The following STYK1 variants were observed in gnomAD, a reference collection of about 807,000 sequenced individuals.
STYK1 encodes STY kinase 1, also known as tyrosine-protein kinase STYK1.
STYK1 carries 46 observed loss-of-function variants against 48.1 expected under a neutral mutation model. The observed-to-expected ratio is 0.96, with a 90% CI of 0.75 to 1.22. The LOEUF (loss-of-function observed/expected upper bound fraction) is 1.22, where lower values mean the gene tolerates loss of function less well. STYK1 is among the 50% of genes most tolerant of loss of function. The pLI, the probability that STYK1 is intolerant of heterozygous loss-of-function variation, is 0.00. For missense variants in STYK1, 527 were observed against 521.1 expected (o/e 1.01, Z -0.11); for synonymous variants, 188 against 189.0 (o/e 0.99, Z 0.04).
At chr12:10,644,740 C>T (rs542627494) in intron 1 of STYK1, among the ~76,000 whole-genome samples, 13 of 152,156 alleles carry the variant, frequency 8.5e-5, no homozygotes, top group East Asian at 7.7e-4. Flanking sequence ...AAGGAGAAAT[C>T]AAAGAAGAGG....
chr12:10,631,083 G>T lies in STYK1; in HGVS notation c.413C>A (p.Pro138His), dbSNP rs748408554. ...GAGAATAACACTCTTGGGCTTAGAA[G>T]GGTCCCCAGTGTTCATATTGGCTCG... ...IFRANMNTGDPSKPKSVILKA... is the reference protein window; with the variant it reads ...IFRANMNTGDHSKPKSVILKA... The change falls in exon 5 of 11, where the codon CCT becomes CAT. Residue 138 changes from proline (P) to histidine (H), a missense_variant. By Grantham distance (77) the Pro-to-His change is moderately conservative. Transcript: ENST00000075503. 5.6e-6 allele frequency: 9 copies of T among 1,614,148 alleles called. No individual in the cohort carries two copies. Among genetic ancestry groups the T allele is most frequent in the Non-Finnish European group, 6.8e-6 (8 of 1,180,028 alleles).
At chr12:10,622,804 G>T in intron 8 of STYK1, 126 bp from the exon 9 acceptor site, 1 of 1,107,756 alleles carries the variant, frequency 9.0e-7, no homozygotes, top group Non-Finnish European at 1.3e-6. Flanking sequence ...TCAAGGATGA[G>T]TGTCTGAAAA....
intron 10 of STYK1, 101 bp downstream of exon 10, chr12:10,621,775 C>T (rs1865910023): frequency 2.9e-6 from 3 of 1,029,740 alleles, no homozygotes; most frequent in Non-Finnish European, 4.5e-6. Context: ...GGTACATATA[C>T]ACAGGTGAGG....
chr12:10,661,387 T>A (rs1036579046), intron 1 of STYK1, among the ~76,000 whole-genome samples: 11 of 152,154 alleles, frequency 7.2e-5, no homozygotes, highest in Non-Finnish European at 1.5e-4. Flanking sequence ...CTCTTCCTCC[T>A]CTTGCACAAA....
At chr12:10,630,391 AAAAAAAAAAG>A (rs1045363536) in intron 5 of STYK1, among the ~76,000 whole-genome samples, 1 of 149,086 alleles carries the variant, frequency 6.7e-6, no homozygotes, top group Non-Finnish European at 1.5e-5. Flanking sequence ...GTCTCAAAAA[AAAAAAAAAAG>A]AAAAAAGAAA....
At chr12:10,670,727 T>C (rs1036385947) in intron 1 of STYK1, among the ~76,000 whole-genome samples, 1 of 151,670 alleles carries the variant, frequency 6.6e-6, no homozygotes, top group Non-Finnish European at 1.5e-5. Flanking sequence ...AGACAGTAGA[T>C]GTTAAGTGTT....
intron 1 of STYK1, among the ~76,000 whole-genome samples, chr12:10,669,804 A>G (rs1402727524): frequency 6.6e-6 from 1 of 152,252 alleles, no homozygotes; most frequent in African/African-American, 2.4e-5. Context: ...TAACTGTACT[A>G]AAAATGAACA....
At chr12:10,645,086 T>C (rs980030165) in intron 1 of STYK1, among the ~76,000 whole-genome samples, 1 of 151,316 alleles carries the variant, frequency 6.6e-6, no homozygotes, top group Non-Finnish European at 1.5e-5. Flanking sequence ...ACTAGAGAAG[T>C]AAAAGGGGAA....
intron 1 of STYK1, among the ~76,000 whole-genome samples, chr12:10,655,004 C>G (rs563410732): frequency 1.4e-4 from 21 of 152,330 alleles, no homozygotes; most frequent in African/African-American, 4.8e-4. Flanking sequence ...GTAGGCAACA[C>G]TTTTATCCCT....
intron 1 of STYK1, among the ~76,000 whole-genome samples, chr12:10,668,373 C>T (rs11053894): frequency 6.7e-6 from 1 of 150,270 alleles, no homozygotes; most frequent in African/African-American, 2.5e-5. Context: ...TTTTCTTCTA[C>T]TTCTTCTTCT....
chr12:10,649,348 G>C (rs536381379), intron 1 of STYK1, among the ~76,000 whole-genome samples: 1 of 152,002 alleles, frequency 6.6e-6, no homozygotes, highest in Non-Finnish European at 1.5e-5. Context: ...TCAAAAGGAG[G>C]GATGTTTCAA....
At position 10,620,042 on chromosome 12, in the gene STYK1, C is replaced by T; in HGVS notation, c.*102G>A. 7.7e-7 allele frequency: 1 copy of T among 1,292,914 alleles called. No individual in the cohort carries two copies. The highest frequency in any genetic ancestry group is 1.1e-6 in the Non-Finnish European group (1 of 905,602). 80.1% of individuals were successfully genotyped at this position (1,292,914 alleles called of 1,614,324 possible). On this transcript the variant is annotated 3_prime_UTR_variant, in exon 11 of 11. Transcript: ENST00000075503. Reference sequence around the variant, plus strand: ...AAAGGAAGATCAAGAATCCATGTCCCATTTCTCCCTTTGTGTCCCTGGGAA... The same window carrying T: ...AAAGGAAGATCAAGAATCCATGTCCTATTTCTCCCTTTGTGTCCCTGGGAA...
At chr12:10,628,145 A>G in intron 6 of STYK1, among the ~76,000 whole-genome samples, 1 of 152,366 alleles carries the variant, frequency 6.6e-6, no homozygotes, top group African/African-American at 2.4e-5. Context: ...GCATGAGTAA[A>G]ATAGCATGGC....
chr12:10,654,592 T>A (rs541310763), intron 1 of STYK1, among the ~76,000 whole-genome samples: 2 of 152,166 alleles, frequency 1.3e-5, no homozygotes, highest in African/African-American at 4.8e-5. Flanking sequence ...AGGATCAGAT[T>A]GGGTTAGAGG....
chr12:10,626,955 C>G (rs1370510968), intron 7 of STYK1, among the ~76,000 whole-genome samples: 2 of 152,010 alleles, frequency 1.3e-5, no homozygotes, highest in African/African-American at 4.8e-5. Flanking sequence ...TCCAGTGAGC[C>G]GAGATCGTGC....
Position 10,634,570 on chromosome 12 carries a change from A to G in STYK1, c.49T>C (p.Cys17Arg). 1 of 1,614,156 alleles carries G rather than the reference A, an allele frequency of 6.2e-7. No homozygotes were observed. Among genetic ancestry groups the G allele is most frequent in the South Asian group, 1.1e-5 (1 of 91,084 alleles). The part of the protein sequence containing the change: ...LLECSLSDKL[C>R]VIQEKQYEVI... ...CATCTGTGGAATCCGTACTTACCAC[A>G]CAACTTGTCACTGAGACTGCATTCC... Residue 17 changes from cysteine to arginine, a missense_variant, in exon 3 of 11, where the codon TGT (cysteine) becomes CGT (arginine). Cys to Arg is a radical substitution (Grantham distance 180, BLOSUM62 -3). Coordinates refer to ENST00000075503, the MANE Select transcript of STYK1 (RefSeq NM_018423.3).
chr12:10,664,567 C>G (rs1374129695), intron 1 of STYK1, among the ~76,000 whole-genome samples: 1 of 152,122 alleles, frequency 6.6e-6, no homozygotes, highest in Non-Finnish European at 1.5e-5. Flanking sequence ...TTTATAAACC[C>G]ACAACCTGTC....
At chr12:10,649,838 A>C (rs941159772) in intron 1 of STYK1, among the ~76,000 whole-genome samples, 7 of 152,140 alleles carry the variant, frequency 4.6e-5, no homozygotes, top group African/African-American at 1.7e-4. Flanking sequence ...TCAGGCCGGG[A>C]GCAGTGGTTC....
chr12:10,653,831 T>A (rs1214098286), intron 1 of STYK1, among the ~76,000 whole-genome samples: 1 of 152,244 alleles, frequency 6.6e-6, no homozygotes, highest in Non-Finnish European at 1.5e-5. Context: ...GTTTAAAGAC[T>A]GGCCTTGTTG....
Sources: gnomAD v4.1 joint callset for allele counts (sites outside exome capture counted in the v4.1 genomes callset) on GRCh38, gnomAD v4.1.1 for gene constraint, MANE v1.5 for transcripts, NCBI Gene and HGNC (gene_info 2026-07-23, HGNC 2026-07-21) for gene names.